Variants in PHACTR3 observed in about 807,000 individuals in gnomAD.
The protein encoded by PHACTR3 is protein phosphatase 1, regulatory subunit 123.
In PHACTR3, 16 loss-of-function variants were observed where a neutral mutation model predicts 66.8. That is an observed-to-expected ratio of 0.24 (90% confidence interval 0.16 to 0.36). PHACTR3 has a LOEUF of 0.36. Among genes scored for constraint, PHACTR3 ranks in the 10% least tolerant of loss-of-function variants. The pLI is 1.00. For missense variants in PHACTR3, 647 were observed against 719.9 expected, an observed-to-expected ratio of 0.90 and a Z score of 1.16; for synonymous variants, 323 against 292.1, an observed-to-expected ratio of 1.11 and a Z score of -1.08.
upstream of PHACTR3, among the ~76,000 whole-genome samples, chr20:59,603,092 C>G (rs1451408235): frequency 2.0e-5 from 3 of 152,230 alleles, no homozygotes; most frequent in Non-Finnish European, 4.4e-5. Flanking sequence ...CCAGCCAGCA[C>G]ATTTTTATGT....
intron 1 of PHACTR3, among the ~76,000 whole-genome samples, chr20:59,651,996 G>C (rs578261196): frequency 6.6e-6 from 1 of 152,342 alleles, no homozygotes; most frequent in Non-Finnish European, 1.5e-5. Context: ...GCAAGATGGA[G>C]CTCCAGGAAA....
chr20:59,817,223 GC>G (rs1404904601), intron 8 of PHACTR3, among the ~76,000 whole-genome samples: 2 of 152,302 alleles, frequency 1.3e-5, no homozygotes, highest in Non-Finnish European at 2.9e-5. Flanking sequence ...AATAGTGTGA[GC>G]CCTCAGGACC....
intron 3 of PHACTR3, among the ~76,000 whole-genome samples, chr20:59,751,555 T>C (rs951825741): frequency 1.3e-5 from 2 of 152,132 alleles, no homozygotes; most frequent in African/African-American, 4.8e-5. Context: ...AGCCGGACTC[T>C]GGGCAGGGCC....
intron 7 of PHACTR3, among the ~76,000 whole-genome samples, chr20:59,782,461 A>G (rs755795954): frequency 6.6e-6 from 1 of 152,180 alleles, no homozygotes. Context: ...CATGTTGGCC[A>G]GGCTGGTCTG....
At chr20:59,583,981 A>G (rs533782187) in intron 1 of PHACTR3, among the ~76,000 whole-genome samples, 58 of 152,248 alleles carry the variant, frequency 3.8e-4, no homozygotes, top group Middle Eastern at 3.2e-3. Flanking sequence ...CTTGGGCCTC[A>G]CACTACGAAG....
intron 5 of PHACTR3, among the ~76,000 whole-genome samples, chr20:59,770,658 C>T (rs1157845082): frequency 6.6e-6 from 1 of 152,196 alleles, no homozygotes; most frequent in Non-Finnish European, 1.5e-5. Context: ...CTTGAAAAGT[C>T]TTCATCTCTG....
chr20:59,654,171 C>T (rs750148662), intron 1 of PHACTR3, among the ~76,000 whole-genome samples: 12 of 152,206 alleles, frequency 7.9e-5, no homozygotes, highest in Admixed American at 1.3e-4. Flanking sequence ...AATAATTGGT[C>T]ACCGTTGTAT....
At chr20:59,743,086 C>A in intron 1 of PHACTR3, 21 bp from the exon 2 acceptor site, 1 of 1,607,350 alleles carries the variant, frequency 6.2e-7, no homozygotes, top group Non-Finnish European at 8.5e-7. Flanking sequence ...CTTGAGGACC[C>A]CCTTGGTTTT....
chr20:59,698,285 A>G (rs2037373603), intron 1 of PHACTR3, among the ~76,000 whole-genome samples: 1 of 152,226 alleles, frequency 6.6e-6, no homozygotes, highest in South Asian at 2.1e-4. Flanking sequence ...TGAAATGAAA[A>G]AAAGACTGGA....
chr20:59,698,277 A>T (rs2037373149), intron 1 of PHACTR3, among the ~76,000 whole-genome samples: 1 of 152,212 alleles, frequency 6.6e-6, no homozygotes, highest in Non-Finnish European at 1.5e-5. Flanking sequence ...TGTCAATGTG[A>T]AATGAAAAAA....
chr20:59,686,808 G>A (rs1295135059), intron 1 of PHACTR3, among the ~76,000 whole-genome samples: 2 of 151,358 alleles, frequency 1.3e-5, no homozygotes, highest in African/African-American at 4.9e-5. Context: ...TGATGATTGT[G>A]ATGATGATGG....
chr20:59,803,902 G>A (rs2041492092), intron 7 of PHACTR3, among the ~76,000 whole-genome samples: 1 of 152,182 alleles, frequency 6.6e-6, no homozygotes, highest in African/African-American at 2.4e-5. Context: ...GGAGGGTGAT[G>A]TCTGTCACAC....
upstream of PHACTR3, chr20:59,603,812 C>T (rs895486705): frequency 6.5e-6 from 1 of 152,746 alleles, no homozygotes; most frequent in African/African-American, 2.4e-5. Flanking sequence ...CATTCCACCC[C>T]CGTCTCTACC....
At chr20:59,788,313 C>A (rs1287130183) in intron 7 of PHACTR3, among the ~76,000 whole-genome samples, 1 of 152,206 alleles carries the variant, frequency 6.6e-6, no homozygotes, top group East Asian at 1.9e-4. Flanking sequence ...GCCCAGAAGG[C>A]CTGCCTGGGC....
intron 1 of PHACTR3, among the ~76,000 whole-genome samples, chr20:59,606,916 A>G (rs2033690449): frequency 6.6e-6 from 1 of 152,214 alleles, no homozygotes; most frequent in Non-Finnish European, 1.5e-5. Flanking sequence ...AAATATGTGC[A>G]ATTCTGTGAG....
At chr20:59,602,450 AAAAAAG>A (rs2033506720), upstream of PHACTR3, among the ~76,000 whole-genome samples, 1 of 152,076 alleles carries the variant, frequency 6.6e-6, no homozygotes, top group South Asian at 2.1e-4. Flanking sequence ...AAAAAAAAAA[AAAAAAG>A]AGAGAGAGAG....
intron 4 of PHACTR3, among the ~76,000 whole-genome samples, chr20:59,758,877 C>T (rs1471577003): frequency 6.6e-6 from 1 of 152,160 alleles, no homozygotes; most frequent in Non-Finnish European, 1.5e-5. Flanking sequence ...TCACACTGAC[C>T]TCCCAGGGTC....
upstream of PHACTR3, among the ~76,000 whole-genome samples, chr20:59,601,346 A>G (rs1391169664): frequency 6.6e-6 from 1 of 152,218 alleles, no homozygotes; most frequent in Non-Finnish European, 1.5e-5. Flanking sequence ...GTTAGGATGG[A>G]CCACATTTTA....
At chr20:59,621,472 C>T (rs1271193133) in intron 1 of PHACTR3, among the ~76,000 whole-genome samples, 1 of 152,254 alleles carries the variant, frequency 6.6e-6, no homozygotes, top group Non-Finnish European at 1.5e-5. Flanking sequence ...ATGGTCTTGG[C>T]ACATGTAACA....
Sources: allele counts gnomAD v4.1 joint callset (sites outside exome capture counted in the v4.1 genomes callset), GRCh38; gene constraint gnomAD v4.1.1; transcripts MANE v1.5; gene names NCBI Gene and HGNC (gene_info 2026-07-23, HGNC 2026-07-21).